The following PDSS2 variants were observed in gnomAD, a reference collection of about 807,000 sequenced individuals.
PDSS2 encodes the protein all trans-polyprenyl-diphosphate synthase PDSS2.
A neutral mutation model predicts 44.5 loss-of-function variants in PDSS2; 31 were observed. The observed-to-expected ratio is 0.70, with a 90% CI of 0.52 to 0.94. The LOEUF is 0.94. PDSS2 is among the 40% of genes least tolerant of loss of function. The probability of loss-of-function intolerance (pLI) is 0.00; values close to 1 mark genes in which losing one functional copy is unlikely to be tolerated. For synonymous variants in PDSS2, 157 were observed against 180.3 expected (o/e 0.87, Z 1.03); for missense variants, 452 against 482.2 (o/e 0.94, Z 0.59).
At chr6:107,317,880 C>T (rs1562458135) in intron 2 of PDSS2, among the ~76,000 whole-genome samples, 1 of 152,158 alleles carries the variant, frequency 6.6e-6, no homozygotes, top group African/African-American at 2.4e-5. Flanking sequence ...CAGTAGGTAA[C>T]AAGTTCTTCA....
intron 4 of PDSS2, among the ~76,000 whole-genome samples, chr6:107,214,331 T>G (rs898045488): frequency 6.6e-6 from 1 of 152,092 alleles, no homozygotes; most frequent in Non-Finnish European, 1.5e-5. Context: ...GACCTCGTGA[T>G]CCGCCCGCCT....
rs1469003691 is a variant in PDSS2, at chr6:107,388,138, T to G, written c.297-53806A>C. Among the ~76,000 whole-genome samples, 3 of 152,164 alleles carry G rather than the reference T, an allele frequency of 2.0e-5. No individual in the cohort carries two copies. The South Asian group carries it at 6.2e-4, about 31-fold the overall frequency. ...AATTTCCTCACCCCGACAGCCACAA[T>G]GCATAAGAAGAGAAGAAAGAATATG... On this transcript the variant is annotated intron_variant, in intron 1 of 7. Transcript: ENST00000369037.
At chr6:107,405,024 T>C (rs1228384495) in intron 1 of PDSS2, among the ~76,000 whole-genome samples, 1 of 151,658 alleles carries the variant, frequency 6.6e-6, no homozygotes, top group African/African-American at 2.4e-5. Context: ...AATCCTAAAA[T>C]CAGCAAGAGA....
intron 2 of PDSS2, among the ~76,000 whole-genome samples, chr6:107,278,036 TA>T (rs773219878): frequency 3.0e-4 from 46 of 151,424 alleles, no homozygotes; most frequent in South Asian, 4.2e-4. Context: ...AGACTCCTCT[TA>T]AAAAAAACAG....
chr6:107,389,967 A>G lies in PDSS2; in HGVS notation c.297-55635T>C, dbSNP rs191198943. On this transcript the variant is annotated intron_variant, in intron 1 of 7. Coordinates refer to ENST00000369037, the MANE Select transcript of PDSS2 (RefSeq NM_020381.4). ...AAAAGGATGGGGTTATGTCAAAGGG[A>G]AAGAGCTCCCAATGGCCAAAGCTGG... Among the ~76,000 whole-genome samples, 8 of 152,274 alleles carry G rather than the reference A, an allele frequency of 5.3e-5. No individual in the cohort carries two copies. The East Asian group carries it at 1.3e-3, about 26-fold the overall frequency.
intron 1 of PDSS2, among the ~76,000 whole-genome samples, chr6:107,442,099 C>T (rs319078): frequency 0.63 from 96,259 of 152,030 alleles, 30,929 homozygotes; most frequent in Middle Eastern, 0.7. Flanking sequence ...GCCTGATTAG[C>T]TCCTCCTTGC....
At chr6:107,338,911 G>C (rs145375359) in intron 1 of PDSS2, among the ~76,000 whole-genome samples, 260 of 152,024 alleles carry the variant, frequency 1.7e-3, no homozygotes, top group Middle Eastern at 6.8e-3. Flanking sequence ...TTCTTTTAGA[G>C]ACAGGGTCTT....
intron 6 of PDSS2, among the ~76,000 whole-genome samples, chr6:107,201,345 C>T (rs776399862): frequency 1.5e-5 from 2 of 135,806 alleles, no homozygotes; most frequent in African/African-American, 2.8e-5. Flanking sequence ...GAGGCCTCCT[C>T]GGACAGCTAT....
At chr6:107,275,863 C>T (rs1236956354) in intron 2 of PDSS2, among the ~76,000 whole-genome samples, 5 of 152,080 alleles carry the variant, frequency 3.3e-5, no homozygotes, top group Non-Finnish European at 2.9e-5. Context: ...CCTGTAATCT[C>T]AGAACTTTGG....
chr6:107,210,616 CT>C, intron 5 of PDSS2, 46 bp from the exon 6 acceptor site: 1 of 1,279,856 alleles, frequency 7.8e-7, no homozygotes, highest in Non-Finnish European at 1.1e-6. Flanking sequence ...TGTATATACA[CT>C]AGTATGTTTT....
chr6:107,216,595 T>A (rs998643369), intron 4 of PDSS2, among the ~76,000 whole-genome samples: 1 of 152,208 alleles, frequency 6.6e-6, no homozygotes, highest in Admixed American at 6.5e-5. Flanking sequence ...GGAACAAAGA[T>A]AACTCGAATG....
intron 7 of PDSS2, among the ~76,000 whole-genome samples, chr6:107,158,584 T>C (rs1770998441): frequency 6.6e-6 from 1 of 152,206 alleles, no homozygotes; most frequent in South Asian, 2.1e-4. Context: ...ATATAGCCTT[T>C]GGGAACTGTT....
At chr6:107,175,945 T>C (rs1382988640) in intron 7 of PDSS2, among the ~76,000 whole-genome samples, 1 of 152,196 alleles carries the variant, frequency 6.6e-6, no homozygotes, top group African/African-American at 2.4e-5. Flanking sequence ...TTATTAAAAT[T>C]ATCAACCAAA....
intron 4 of PDSS2, among the ~76,000 whole-genome samples, chr6:107,243,140 C>T (rs938610292): frequency 6.6e-6 from 1 of 152,140 alleles, no homozygotes; most frequent in Non-Finnish European, 1.5e-5. Flanking sequence ...TTAGAAAAAG[C>T]ATGGGACTGA....
rs138055300 is a variant in PDSS2 at position 107,259,051 on chromosome 6, A to G, written c.631-13432T>C. On this transcript the variant is annotated intron_variant, in intron 3 of 7. Coordinates refer to ENST00000369037, the MANE Select transcript of PDSS2 (RefSeq NM_020381.4). ...ACCATTTATTAGCAGTGTTACCTTG[A>G]GGGAAATTACTTATCCTTTCCCTGT... is the stretch of plus-strand genomic sequence containing the variant. Among the ~76,000 whole-genome samples the G allele has an allele frequency of 4.3e-3, 661 of 152,316 alleles. 3 individuals carry two copies. Among genetic ancestry groups the G allele is most frequent in the South Asian group, 0.034 (162 of 4,816 alleles).
chr6:107,334,633 C>T (rs1374446644), intron 1 of PDSS2, among the ~76,000 whole-genome samples: 5 of 150,800 alleles, frequency 3.3e-5, no homozygotes, highest in East Asian at 2.0e-4. Flanking sequence ...CTCAACCTCC[C>T]GGTCCTAAGC....
intron 1 of PDSS2, among the ~76,000 whole-genome samples, chr6:107,377,110 A>C (rs1047337118): frequency 4.8e-5 from 7 of 144,618 alleles, no homozygotes; most frequent in Non-Finnish European, 1.1e-4. Flanking sequence ...CAACCTACAA[A>C]ATGGGAGAAA....
At chr6:107,384,964 C>A (rs531672945) in intron 1 of PDSS2, among the ~76,000 whole-genome samples, 7 of 152,250 alleles carry the variant, frequency 4.6e-5, no homozygotes, top group African/African-American at 1.7e-4. Flanking sequence ...GTTCTACTTC[C>A]CTTCTTCATA....
chr6:107,267,178 C>T (rs1210330546), intron 3 of PDSS2, among the ~76,000 whole-genome samples: 2 of 152,186 alleles, frequency 1.3e-5, no homozygotes, highest in Non-Finnish European at 2.9e-5. Context: ...GGCAACTATA[C>T]CGAGGCAAAT....
Sources: allele counts gnomAD v4.1 joint callset (sites outside exome capture counted in the v4.1 genomes callset), GRCh38; gene constraint gnomAD v4.1.1; transcripts MANE v1.5; gene names NCBI Gene and HGNC (gene_info 2026-07-23, HGNC 2026-07-21).